BRCA1: variants seen among roughly 807,000 people sequenced by gnomAD.
BRCA1 encodes breast cancer type 1 susceptibility protein.
Under a neutral mutation model 173.7 loss-of-function variants are expected in BRCA1, and 140 were observed. The observed-to-expected ratio is 0.81, with a 90% confidence interval of 0.70 to 0.93. The LOEUF (loss-of-function observed/expected upper bound fraction) is 0.93, where lower values mean the gene tolerates loss of function less well. Among genes scored for constraint, BRCA1 ranks in the 40% least tolerant of loss-of-function variants. The pLI, the probability that BRCA1 is intolerant of heterozygous loss-of-function variation, is 0.00. For missense variants in BRCA1, 1,983 were observed against 2,172.5 expected (o/e 0.91, Z 1.73); for synonymous variants, 662 against 756.0 (o/e 0.88, Z 2.04).
intron 1 of BRCA1, among the ~76,000 whole-genome samples, chr17:43,157,465 C>T (rs184922415): frequency 2.0e-5 from 3 of 152,044 alleles, no homozygotes; most frequent in East Asian, 1.9e-4. Flanking sequence ...TTTAGGAGGC[C>T]GAGGTGGGCA....
At chr17:43,074,908 A>G (rs569080428) in intron 13 of BRCA1, among the ~76,000 whole-genome samples, 65 of 151,776 alleles carry the variant, frequency 4.3e-4, no homozygotes, top group Non-Finnish European at 6.9e-4. Flanking sequence ...GTGACAGAGC[A>G]AGACTCTGTC....
At chr17:43,170,035 T>G in intron 1 of BRCA1, 1 of 443,496 alleles carries the variant, frequency 2.3e-6, no homozygotes, top group South Asian at 1.7e-5. Flanking sequence ...TCCTGCAGAA[T>G]GAGGGCAGAG....
intron 22 of BRCA1, among the ~76,000 whole-genome samples, chr17:43,046,510 G>A (rs1439977350): frequency 6.6e-6 from 1 of 151,830 alleles, no homozygotes; most frequent in Non-Finnish European, 1.5e-5. Context: ...CGATTCTCCT[G>A]CCTCAGTCTC....
chr17:43,168,554 G>T (rs1486234157), intron 1 of BRCA1, among the ~76,000 whole-genome samples: 2 of 152,176 alleles, frequency 1.3e-5, no homozygotes, highest in Admixed American at 6.5e-5. Context: ...CAGGAGAATC[G>T]CTTGAACCCA....
intron 16 of BRCA1, chr17:43,067,311 G>T: frequency 4.6e-6 from 1 of 216,992 alleles, no homozygotes. Flanking sequence ...CTGGAATGCA[G>T]TGGCATGATC....
intron 8 of BRCA1, among the ~76,000 whole-genome samples, chr17:43,096,143 G>T (rs1160890044): frequency 6.6e-6 from 1 of 152,058 alleles, no homozygotes; most frequent in African/African-American, 2.4e-5. Context: ...TTGGGAGGCT[G>T]AGGCGGGTGG....
upstream of BRCA1, among the ~76,000 whole-genome samples, chr17:43,127,517 C>T (rs8077035): frequency 1.0e-2 from 1,514 of 152,140 alleles, 35 homozygotes; most frequent in African/African-American, 0.035. Context: ...TGTAAACGCA[C>T]CAATCAGTGC....
chr17:43,091,307 T>C, intron 10 of BRCA1, 128 bp downstream of exon 10: 1 of 1,258,908 alleles, frequency 7.9e-7, no homozygotes, highest in South Asian at 1.2e-5. Flanking sequence ...GAGGAACATG[T>C]TTCAAGTTTA....
At position 43,138,654 on chromosome 17, in the gene BRCA1, C is replaced by G; in HGVS notation, c.-19-14539G>C. ...GACATTCATTTCACCCCTTTCTGTG[C>G]AGGTGCTGGAAGCCCAGGAAGCACA... On this transcript the variant is annotated intron_variant, in intron 1 of 7. Coordinates refer to the BRCA1 transcript ENST00000634433. 5.1e-6 allele frequency: 4 copies of G among 776,834 alleles called. No homozygotes were observed. In the South Asian group the frequency reaches 5.4e-5, roughly 11 times the overall value. The allele number at this position is 776,834 out of a possible 1,614,324, so 48.1% of individuals were successfully genotyped here.
intron 1 of BRCA1, among the ~76,000 whole-genome samples, chr17:43,165,205 T>G (rs1339589779): frequency 1.3e-5 from 2 of 152,182 alleles, no homozygotes; most frequent in Admixed American, 6.5e-5. Context: ...CCTTTATAAT[T>G]TTTGCAAAAG....
chr17:43,125,365 G>A (rs1468059405), upstream of BRCA1: 2 of 417,200 alleles, frequency 4.8e-6, no homozygotes, highest in South Asian at 3.3e-5. Context: ...AAGTCTCAGC[G>A]AGCTCACGCC....
Position 43,135,668 on chromosome 17 carries a change from C to T in BRCA1, c.-19-11553G>A, listed in dbSNP as rs1467383474. Among the ~76,000 whole-genome samples the T allele has an allele frequency of 5.3e-5, 8 of 152,310 alleles. No individual in the cohort carries two copies. The South Asian group carries it at 8.3e-4, about 16-fold the overall frequency. On this transcript the variant is annotated intron_variant, in intron 1 of 7. Transcript: ENST00000634433. The stretch of plus-strand genomic sequence containing the variant: ...GGGCGGCGCCAGACCCTCTTCCCAA[C>T]GCCACCCTCTAAAGCCTCGGCTCCA...
rs764499766 is a variant in BRCA1, at chr17:43,095,893, G to C, written c.623C>G (p.Thr208Ser). The change falls in exon 9 of 23, where the codon ACC (threonine) becomes AGC (serine). Residue 208 changes from threonine to serine, a missense_variant. Thr to Ser is a moderately conservative substitution (Grantham distance 58). Coordinates refer to ENST00000357654, the MANE Select transcript of BRCA1 (RefSeq NM_007294.4). ...GATTTCATCCCTGGTTCCTTGAGGG[G>C]TGATTTGTAACAATTCTTGATCTCC... ...SVGDQELLQI[T>S]PQGTRDEISL... 6 of 1,613,792 alleles carry C rather than the reference G, an allele frequency of 3.7e-6. No individual in the cohort carries two copies. In the South Asian group the frequency reaches 4.4e-5, roughly 12 times the overall value.
At chr17:43,086,376 T>A (rs2053231525) in intron 11 of BRCA1, among the ~76,000 whole-genome samples, 1 of 151,784 alleles carries the variant, frequency 6.6e-6, no homozygotes, top group Non-Finnish European at 1.5e-5. Flanking sequence ...CAGTCTTCTG[T>A]AAAAACAAAC....
intron 3 of BRCA1, among the ~76,000 whole-genome samples, chr17:43,114,442 G>T (rs1334579276): frequency 6.7e-6 from 1 of 148,620 alleles, no homozygotes; most frequent in African/African-American, 2.5e-5. Context: ...GGAATGCAGT[G>T]GCATGATCTT....
At chr17:43,141,517 A>G (rs2056075166) in intron 1 of BRCA1, among the ~76,000 whole-genome samples, 2 of 151,900 alleles carry the variant, frequency 1.3e-5, no homozygotes, top group South Asian at 4.1e-4. Context: ...ATTTTTTGTT[A>G]TATAAAAAAA....
intron 12 of BRCA1, among the ~76,000 whole-genome samples, chr17:43,082,177 A>C: frequency 6.6e-6 from 1 of 152,216 alleles, no homozygotes. Context: ...GGCTCCCCAT[A>C]GCATCTACTT....
At chr17:43,054,789 C>T (rs1322686416) in intron 19 of BRCA1, among the ~76,000 whole-genome samples, 2 of 148,856 alleles carry the variant, frequency 1.3e-5, no homozygotes, top group Non-Finnish European at 3.0e-5. Flanking sequence ...TGTCCCCAGG[C>T]TAGAGTGCAG....
chr17:43,089,735 C>T (rs748968240), intron 11 of BRCA1, among the ~76,000 whole-genome samples: 3 of 151,446 alleles, frequency 2.0e-5, no homozygotes, highest in African/African-American at 7.3e-5. Flanking sequence ...ATAGGCCAGG[C>T]GTGGTTGCAC....
Sources: gnomAD v4.1 joint callset for allele counts (sites outside exome capture counted in the v4.1 genomes callset) on GRCh38, gnomAD v4.1.1 for gene constraint, MANE v1.5 for transcripts, NCBI Gene and HGNC (gene_info 2026-07-23, HGNC 2026-07-21) for gene names.